Variants in PAN2 observed in about 807,000 individuals in gnomAD.
PAN2 encodes the protein PAN2-PAN3 deadenylation complex catalytic subunit PAN2.
Under a neutral mutation model 133.3 loss-of-function variants are expected in PAN2, and 68 were observed. The observed-to-expected ratio is 0.51, with a 90% CI of 0.42 to 0.62. The LOEUF is 0.62. Ranked by LOEUF, PAN2 falls within the 20% of genes least tolerant of loss-of-function variation. The pLI is 0.00. For missense variants in PAN2, 1,042 were observed against 1,500.5 expected, an observed-to-expected ratio of 0.69 and a Z score of 5.05; for synonymous variants, 462 against 544.6, an observed-to-expected ratio of 0.85 and a Z score of 2.11.
At chr12:56,332,781 T>C (rs1227181321) in intron 2 of PAN2, 32 bp downstream of exon 2, 1 of 1,604,474 alleles carries the variant, frequency 6.2e-7, no homozygotes, top group African/African-American at 1.3e-5. Flanking sequence ...CTTCAACATC[T>C]TTCAACCCTC....
rs1874012771 is a variant in PAN2 at position 56,317,027 on chromosome 12, G to A, written c.*582C>T. Reference sequence around the variant, plus strand: ...AAAAATGGAACAAAACTTGGGACAGGCAAGTGGGATGGAAGACAGATGCTT... The same window carrying A: ...AAAAATGGAACAAAACTTGGGACAGACAAGTGGGATGGAAGACAGATGCTT... On this transcript the variant is annotated 3_prime_UTR_variant, in exon 26 of 26. Coordinates refer to ENST00000440411, the MANE Select transcript of PAN2 (RefSeq NM_014871.6). 2 of 152,594 alleles carry A rather than the reference G, an allele frequency of 1.3e-5. No individual in the cohort carries two copies. Among genetic ancestry groups the A allele is most frequent in the African/African-American group, 4.8e-5 (2 of 41,442 alleles). 9.5% of individuals were successfully genotyped at this position (152,594 alleles called of 1,614,324 possible).
chr12:56,326,380 A>C lies in PAN2; in HGVS notation c.1292T>G (p.Leu431Arg). Residue 431 changes from leucine (L) to arginine (R), a missense_variant, in exon 8 of 26, where the codon CTG (leucine) becomes CGG (arginine). By Grantham distance (102) the Leu-to-Arg change is moderately radical (BLOSUM62 -2). Around this residue, in one of 3 missense-constraint regions of PAN2, gnomAD observed 908 missense variants for 1,223.5 expected, o/e 0.74. Coordinates refer to ENST00000440411, the MANE Select transcript of PAN2 (RefSeq NM_014871.6). ...GAAGCCCACCTTCTTCATGGTGCGC[A>C]GAATCTCTGCATCCACGGGTGGTGC... is the stretch of plus-strand genomic sequence containing the variant. ...RRAPPVDAEI[L>R]RTMKKVGFIG... The C allele has an allele frequency of 6.2e-7, 1 of 1,601,644 alleles. No individual in the cohort carries two copies. Among genetic ancestry groups the C allele is most frequent in the African/African-American group, 1.3e-5 (1 of 74,926 alleles).
chr12:56,327,143 C>T (rs1252355031), intron 6 of PAN2, among the ~76,000 whole-genome samples, 184 bp from the exon 7 acceptor site: 1 of 152,214 alleles, frequency 6.6e-6, no homozygotes, highest in East Asian at 1.9e-4. Flanking sequence ...AAGAGCAATT[C>T]TACAGTTATT....
intron 20 of PAN2, among the ~76,000 whole-genome samples, chr12:56,320,607 G>T (rs565283362): frequency 6.6e-6 from 1 of 152,040 alleles, no homozygotes; most frequent in Non-Finnish European, 1.5e-5. Flanking sequence ...TCATGCCATT[G>T]CACTCCAGCC....
At chr12:56,320,047 A>T in intron 20 of PAN2, 26 bp from the exon 21 acceptor site, 1 of 1,613,012 alleles carries the variant, frequency 6.2e-7, no homozygotes, top group Non-Finnish European at 8.5e-7. Context: ...CAGAGGACAC[A>T]GGGCTTGGAT....
At chr12:56,326,279 C>G (rs780267833) in intron 8 of PAN2, 34 bp downstream of exon 8, 1 of 1,529,086 alleles carries the variant, frequency 6.5e-7, no homozygotes, top group South Asian at 1.2e-5. Context: ...TTCAGTGGGC[C>G]GGGGTCGGGG....
chr12:56,326,529 T>C (rs1420960979), intron 7 of PAN2, 88 bp downstream of exon 7: 9 of 1,506,836 alleles, frequency 6.0e-6, no homozygotes, highest in African/African-American at 1.4e-5. Flanking sequence ...AGGAAAGTAG[T>C]AGAATAACAA....
At chr12:56,327,098 C>T in intron 6 of PAN2, 139 bp from the exon 7 acceptor site, 1 of 784,178 alleles carries the variant, frequency 1.3e-6, no homozygotes, top group Non-Finnish European at 2.0e-6. Context: ...CCACTTCGTG[C>T]CTTCCATAAA....
rs920877685 is a variant in PAN2, at chr12:56,327,095, G to A, written c.920-136C>T. On this transcript the variant is annotated intron_variant, in intron 6 of 25. Transcript: ENST00000440411. ...ATGCCTAGAGACAGAATGCCACTTC[G>A]TGCCTTCCATAAACCACAGATGGTT... 23 of 785,826 alleles carry A rather than the reference G, an allele frequency of 2.9e-5. 1 individual carries two copies. Among genetic ancestry groups the A allele is most frequent in the South Asian group, 2.0e-4 (11 of 55,192 alleles). The allele number at this position is 785,826 out of a possible 1,614,324, so 48.7% of individuals were successfully genotyped here. A position where few individuals can be genotyped will look rare whatever the true frequency, so the allele number is the denominator to read the frequency against.
Position 56,319,201 on chromosome 12 carries a change from G to C in PAN2, c.3271-20C>G, listed in dbSNP as rs777169068. 24 of 1,613,866 alleles carry C rather than the reference G, an allele frequency of 1.5e-5. No individual in the cohort carries two copies. The highest frequency in any genetic ancestry group is 2.0e-5 in the Non-Finnish European group (24 of 1,179,994). ...GGGCACCTGGCAAGGATAAAAGAGG[G>C]GGAGACTTAAGGTAGGGGACCTATA... On this transcript the variant is annotated intron_variant, in intron 23 of 25. Transcript: ENST00000440411. The surrounding 1 kb of genome is among the most constrained non-coding windows in gnomAD (Gnocchi z 5.4).
chr12:56,322,839 GGGGGTAT>G (rs1471846408), intron 17 of PAN2, 81 bp from the exon 18 acceptor site: 40 of 1,432,424 alleles, frequency 2.8e-5, no homozygotes, highest in Non-Finnish European at 3.7e-5. Flanking sequence ...ACAGGGAGTT[GGGGGTAT>G]GGGGGATGGG....
At chr12:56,323,714 A>G in intron 14 of PAN2, 93 bp downstream of exon 14, 2 of 1,404,106 alleles carry the variant, frequency 1.4e-6, no homozygotes, top group Non-Finnish European at 2.0e-6. Context: ...AGATCCCTGG[A>G]TGGCAGTGCT....
chr12:56,324,859 C>T, intron 10 of PAN2, 150 bp from the exon 11 acceptor site: 1 of 1,363,352 alleles, frequency 7.3e-7, no homozygotes. Flanking sequence ...TCAGAGGAGA[C>T]TTGAAAGTTG....
chr12:56,317,493 C>T lies in PAN2; in HGVS notation c.*116G>A, dbSNP rs542720961. On this transcript the variant is annotated 3_prime_UTR_variant, in exon 26 of 26. Coordinates refer to ENST00000440411, the MANE Select transcript of PAN2 (RefSeq NM_014871.6). ...ATAGCACCATCTGTGACCCTAGACC[C>T]TGAGCACGTCCAGTACTGGAAGTGG... The T allele has an allele frequency of 1.6e-5, 13 of 812,318 alleles. No homozygotes were observed. In the East Asian group the frequency reaches 3.2e-4, roughly 20 times the overall value. The allele number at this position is 812,318 out of a possible 1,614,324, so 50.3% of individuals were successfully genotyped here. A position where few individuals can be genotyped will look rare whatever the true frequency, so the allele number is the denominator to read the frequency against.
In PAN2 at chr12:56,328,279, T is replaced by C; in HGVS notation, c.532A>G (p.Ile178Val). 1 of 1,608,292 alleles carries C rather than the reference T, an allele frequency of 6.2e-7. No homozygotes were observed. The highest frequency in any genetic ancestry group is 8.5e-7 in the Non-Finnish European group (1 of 1,176,876). Residue 178 changes from isoleucine to valine, a missense_variant, in exon 4 of 26, where the codon ATA (isoleucine) becomes GTA (valine). Ile to Val is a conservative substitution (Grantham distance 29). Transcript: ENST00000440411. ...ACAGTGTTAAGATCAATCTCTATTA[T>C]GTGATTCTGCAGCCCACCAACGAGT... ...TLLVGGLQNHIIEIDLNTVQE... is the reference protein window; with the variant it reads ...TLLVGGLQNHVIEIDLNTVQE...
At chr12:56,323,234 T>C (rs1874757203) in intron 16 of PAN2, 25 bp from the exon 17 acceptor site, 2 of 1,613,774 alleles carry the variant, frequency 1.2e-6, no homozygotes, top group African/African-American at 2.7e-5. Context: ...GAATTGGAAA[T>C]TTGTTCCGAA....
Position 56,318,306 on chromosome 12 carries a change from C to T in PAN2, c.3493G>A (p.Gly1165Ser). The change falls in exon 25 of 26, where the codon GGT becomes AGT. Residue 1165 changes from glycine to serine, a missense_variant. Coordinates refer to ENST00000440411, the MANE Select transcript of PAN2 (RefSeq NM_014871.6). ...EPESFHKVLK[G>S]LYEKGRKMDW... ...ATCTTTCTGCCCTTCTCATAAAGACCCTTGAGCACCTTGTGGAAAGACTCA... is the reference window on the plus strand; with the variant it reads ...ATCTTTCTGCCCTTCTCATAAAGACTCTTGAGCACCTTGTGGAAAGACTCA... 1 of 1,614,108 alleles carries T rather than the reference C, an allele frequency of 6.2e-7. No individual in the cohort carries two copies. The highest frequency in any genetic ancestry group is 1.1e-5 in the South Asian group (1 of 91,072).
At chr12:56,323,039 C>A (rs1449852016) in intron 17 of PAN2, 23 bp downstream of exon 17, 2 of 1,613,310 alleles carry the variant, frequency 1.2e-6, no homozygotes, top group African/African-American at 2.7e-5. Flanking sequence ...TATTCCCTTT[C>A]CTCTTCCCGG....
chr12:56,328,615 T>C lies in PAN2; in HGVS notation c.309A>G (p.Pro103=), dbSNP rs759841179. 1.3e-5 allele frequency: 21 copies of C among 1,614,054 alleles called. No homozygotes were observed. In the South Asian group the frequency reaches 2.2e-4, roughly 17 times the overall value. The change falls in exon 3 of 26, where the codon CCA becomes CCG. Residue 103 remains proline, a synonymous_variant. Coordinates refer to ENST00000440411, the MANE Select transcript of PAN2 (RefSeq NM_014871.6). ...HGGHATSFFG[P]ALERYSSFQV... ...GAAAGGATGAGTAGCGCTCCAAGGCTGGGCCAAAAAATGAAGTGGCATGGC... is the reference window on the plus strand; with the variant it reads ...GAAAGGATGAGTAGCGCTCCAAGGCCGGGCCAAAAAATGAAGTGGCATGGC...
Sources: gnomAD v4.1 joint callset for allele counts (sites outside exome capture counted in the v4.1 genomes callset) on GRCh38, gnomAD v4.1.1 for gene constraint, gnomAD v4.1.1 regional missense constraint, Gnocchi (gnomAD v3.1) non-coding constraint, MANE v1.5 for transcripts, NCBI Gene and HGNC (gene_info 2026-07-23, HGNC 2026-07-21) for gene names.